Variants in FOXP1 observed in about 807,000 individuals in gnomAD.
FOXP1 encodes the protein forkhead box protein P1.
FOXP1 carries 15 observed loss-of-function variants against 98.2 expected under a neutral mutation model. That is an observed-to-expected ratio of 0.15 (90% CI 0.10 to 0.24). The LOEUF (loss-of-function observed/expected upper bound fraction) is 0.24. Among genes scored for constraint, FOXP1 ranks in the 10% least tolerant of loss-of-function variants. The pLI, the probability that FOXP1 is intolerant of heterozygous loss-of-function variation, is 1.00. For missense variants in FOXP1, 633 were observed against 848.5 expected (o/e 0.75, Z 3.15); for synonymous variants, 371 against 314.5 (o/e 1.18, Z -1.90).
At chr3:71,072,070 C>T (rs186501120) in intron 7 of FOXP1, among the ~76,000 whole-genome samples, 346 of 152,164 alleles carry the variant, frequency 2.3e-3, no homozygotes, top group African/African-American at 7.7e-3. Context: ...GCCTGTAATC[C>T]CACTGACTCA....
chr3:71,393,068 C>T (rs1350519588), intron 3 of FOXP1, among the ~76,000 whole-genome samples: 1 of 151,654 alleles, frequency 6.6e-6, no homozygotes, highest in African/African-American at 2.4e-5. Flanking sequence ...TATAATATGC[C>T]CAAGAATAAT....
At chr3:71,502,365 G>A (rs1434573891) in intron 2 of FOXP1, among the ~76,000 whole-genome samples, 1 of 152,052 alleles carries the variant, frequency 6.6e-6, no homozygotes, top group Non-Finnish European at 1.5e-5. Context: ...AGGCTTTTGT[G>A]GTAAACATGT....
At chr3:71,312,820 T>C (rs1174130060) in intron 4 of FOXP1, among the ~76,000 whole-genome samples, 2 of 57,892 alleles carry the variant, frequency 3.5e-5, no homozygotes, top group Middle Eastern at 8.6e-3. Flanking sequence ...ACCTTATCTC[T>C]ACCAAAAAAT....
At chr3:71,023,827 A>G (rs896419020) in intron 11 of FOXP1, among the ~76,000 whole-genome samples, 4 of 152,208 alleles carry the variant, frequency 2.6e-5, no homozygotes, top group African/African-American at 9.6e-5. Context: ...TATTTGTGAA[A>G]TATTTGATCA....
chr3:71,395,242 A>G (rs1054856039), intron 3 of FOXP1, among the ~76,000 whole-genome samples: 1 of 151,392 alleles, frequency 6.6e-6, no homozygotes, highest in African/African-American at 2.4e-5. Flanking sequence ...CCCTTTTAGC[A>G]TTAAAGTAAT....
rs112098084 is a variant in FOXP1, at chr3:70,956,415, CTTTTT to C, written c.*2827_*2831del. 2.7e-4 allele frequency: 50 copies of C among 186,524 alleles called. No homozygotes were observed. Among genetic ancestry groups the C allele is most frequent in the Non-Finnish European group, 3.5e-4 (34 of 96,028 alleles). 11.6% of individuals were successfully genotyped at this position (186,524 alleles called of 1,614,324 possible). ...CAAAGATATGTAAAATCTAATTTTT[CTTTTT>C]TTTTTTTTTTTGCTACAGTCTTTAG... On this transcript the variant is annotated 3_prime_UTR_variant, in exon 21 of 21. Coordinates refer to ENST00000649528, the MANE Select transcript of FOXP1 (RefSeq NM_001349338.3).
intron 5 of FOXP1, among the ~76,000 whole-genome samples, chr3:71,267,371 A>G (rs1029568388): frequency 6.6e-6 from 1 of 152,188 alleles, no homozygotes; most frequent in Non-Finnish European, 1.5e-5. Context: ...AAAGAAATCT[A>G]AAAGAAAGGA....
intron 7 of FOXP1, among the ~76,000 whole-genome samples, chr3:71,061,338 T>C (rs1278753909): frequency 1.3e-5 from 2 of 152,302 alleles, no homozygotes; most frequent in Non-Finnish European, 2.9e-5. Context: ...TCATCACCAA[T>C]GTAACTTGCA....
At chr3:71,292,137 G>A (rs1221221569) in intron 5 of FOXP1, among the ~76,000 whole-genome samples, 2 of 152,066 alleles carry the variant, frequency 1.3e-5, no homozygotes, top group East Asian at 1.9e-4. Flanking sequence ...TGTAATGAAT[G>A]TATTTTAGGA....
intron 17 of FOXP1, among the ~76,000 whole-genome samples, chr3:70,973,314 G>C (rs2036741757): frequency 7.2e-6 from 1 of 138,366 alleles, no homozygotes; most frequent in Admixed American, 8.1e-5. Flanking sequence ...TATGAGAGTT[G>C]GCCCTAACTA....
chr3:71,359,047 G>T (rs888999714), intron 4 of FOXP1, 103 bp downstream of exon 4: 14 of 152,118 alleles, frequency 9.2e-5, no homozygotes, highest in African/African-American at 3.1e-4. Flanking sequence ...AATTAGAAAG[G>T]CCATTATCTT....
intron 6 of FOXP1, among the ~76,000 whole-genome samples, chr3:71,140,540 C>G (rs953851104): frequency 6.6e-6 from 1 of 152,190 alleles, no homozygotes; most frequent in Non-Finnish European, 1.5e-5. Context: ...ATAATATAGT[C>G]TAATAATTGT....
rs766986643 is a variant in FOXP1 at position 71,438,742 on chromosome 3, G to GAAAA, written c.-168+54680_-168+54683dup. ...TAGGGAGGTTTCAGTCTAATTTGGA[G>GAAAA]AAAAAAAAAAAAAACCAGTCTCCAT... is the stretch of plus-strand genomic sequence containing the variant. On this transcript the variant is annotated intron_variant, in intron 3 of 20. Coordinates refer to ENST00000649528, the MANE Select transcript of FOXP1 (RefSeq NM_001349338.3). Among the ~76,000 whole-genome samples the GAAAA allele has an allele frequency of 1.6e-3, 200 of 125,888 alleles. 1 individual carries two copies. The highest frequency in any genetic ancestry group is 5.4e-3 in the African/African-American group (190 of 34,980). The allele number at this position is 125,888 out of a possible 152,430, so 82.6% of individuals were successfully genotyped here.
At chr3:71,155,960 T>A (rs2060801935) in intron 6 of FOXP1, among the ~76,000 whole-genome samples, 1 of 152,220 alleles carries the variant, frequency 6.6e-6, no homozygotes, top group Non-Finnish European at 1.5e-5. Context: ...AAACAAGCCC[T>A]TATTTGCTAA....
chr3:71,576,868 C>T lies in FOXP1; in HGVS notation c.-298+4681G>A, dbSNP rs566382453. 3.3e-5 allele frequency among the ~76,000 whole-genome samples: 5 copies of T among 152,310 alleles called. No individual in the cohort carries two copies. The East Asian group carries it at 9.6e-4, about 29-fold the overall frequency. ...TCTCCCTTTCAGGCACTCGTTCTCA[C>T]AGCGGCTGGCTAGATAGGAAACATT... On this transcript the variant is annotated intron_variant, in intron 2 of 20. Transcript: ENST00000649528.
chr3:71,064,508 CCCCACCCATG>C (rs1258718812), intron 7 of FOXP1, among the ~76,000 whole-genome samples: 1 of 152,034 alleles, frequency 6.6e-6, no homozygotes, highest in Non-Finnish European at 1.5e-5. Flanking sequence ...CTCAACTACA[CCCCACCCATG>C]AACATTTAAA....
chr3:71,044,027 C>A (rs2048698152), intron 10 of FOXP1, among the ~76,000 whole-genome samples: 1 of 152,176 alleles, frequency 6.6e-6, no homozygotes, highest in African/African-American at 2.4e-5. Context: ...ACATTCTCAT[C>A]ACACTTAACA....
intron 2 of FOXP1, among the ~76,000 whole-genome samples, chr3:71,533,195 G>A (rs1484488567): frequency 6.6e-6 from 1 of 152,134 alleles, no homozygotes; most frequent in Non-Finnish European, 1.5e-5. Context: ...GCATTATCAT[G>A]GTATGTACAG....
chr3:71,374,057 G>A (rs190977851), intron 3 of FOXP1, among the ~76,000 whole-genome samples: 12 of 152,242 alleles, frequency 7.9e-5, no homozygotes, highest in South Asian at 4.1e-4. Context: ...TAAAGCACCC[G>A]TCTGTTCCAC....
Sources: gnomAD v4.1 joint callset for allele counts (sites outside exome capture counted in the v4.1 genomes callset) on GRCh38, gnomAD v4.1.1 for gene constraint, MANE v1.5 for transcripts, NCBI Gene and HGNC (gene_info 2026-07-23, HGNC 2026-07-21) for gene names.